GHR: variants seen among roughly 807,000 people sequenced by gnomAD.
GHR encodes the protein GH receptor.
GHR carries 35 observed loss-of-function variants against 67.1 expected under a neutral mutation model. The ratio of observed to expected loss-of-function variants is 0.52; its 90% CI spans 0.40 to 0.69. The LOEUF (loss-of-function observed/expected upper bound fraction) is 0.69. Among genes scored for constraint, GHR ranks in the 30% least tolerant of loss-of-function variants. The pLI is 0.00. For missense variants in GHR, 792 were observed against 764.6 expected (o/e 1.04, Z -0.42); for synonymous variants, 272 against 269.1 (o/e 1.01, Z -0.10).
Position 42,718,860 on chromosome 5 carries a change from A to C in GHR, c.1353A>C (p.Ala451=). 1.2e-6 allele frequency: 2 copies of C among 1,614,178 alleles called. No individual in the cohort carries two copies. Among genetic ancestry groups the C allele is most frequent in the Non-Finnish European group, 1.7e-6 (2 of 1,180,016 alleles). Reference sequence around the variant, plus strand: ...CTCAGCAGCCCAGTGTTATCCAAGCAGAGAAAAACAAACCACAACCACTTC... The same window carrying C: ...CTCAGCAGCCCAGTGTTATCCAAGCCGAGAAAAACAAACCACAACCACTTC... ...PATQQPSVIQ[A]EKNKPQPLPT... The change falls in exon 10 of 10, where the codon GCA becomes GCC. Residue 451 remains alanine, a synonymous_variant. Transcript: ENST00000230882.
chr5:42,609,271 A>G lies in GHR; in HGVS notation c.71-19767A>G, dbSNP rs1752773636. Among the ~76,000 whole-genome samples, 5 of 152,278 alleles carry G rather than the reference A, an allele frequency of 3.3e-5. No homozygotes were observed. In the South Asian group the frequency reaches 1.0e-3, roughly 32 times the overall value. On this transcript the variant is annotated intron_variant, in intron 2 of 9. Transcript: ENST00000230882. ...CAGTCTTTTCAGGAAAGAGAGAGGC[A>G]TGGAGGGGACAGGTGCCAATGGCTG...
chr5:42,550,372 A>T (rs757214828), intron 1 of GHR, among the ~76,000 whole-genome samples: 2 of 152,058 alleles, frequency 1.3e-5, no homozygotes, highest in African/African-American at 2.4e-5. Context: ...TGTCATTGTG[A>T]TCCTGCCTCC....
At chr5:42,542,910 T>C (rs1170415371) in intron 1 of GHR, among the ~76,000 whole-genome samples, 1 of 152,172 alleles carries the variant, frequency 6.6e-6, no homozygotes, top group East Asian at 1.9e-4. Flanking sequence ...CCTGAGTTAC[T>C]TCTTTTAGAA....
chr5:42,595,767 G>T (rs966767840), intron 2 of GHR, among the ~76,000 whole-genome samples: 1 of 152,224 alleles, frequency 6.6e-6, no homozygotes, highest in Non-Finnish European at 1.5e-5. Flanking sequence ...AAGGAAGTGG[G>T]TTGCTGGAGA....
At position 42,563,543 on chromosome 5, in the gene GHR, G is replaced by A. The variant is rs546813043; in HGVS notation, c.-11-2321G>A. ...TGAGGCAGGAGAATGGCGTGAACCCGGGAAGCGGAGCTTGCAGTGAGCCGA... is the reference window on the plus strand; with the variant it reads ...TGAGGCAGGAGAATGGCGTGAACCCAGGAAGCGGAGCTTGCAGTGAGCCGA... On this transcript the variant is annotated intron_variant, in intron 1 of 9. Transcript: ENST00000230882. Among the ~76,000 whole-genome samples the A allele has an allele frequency of 2.0e-5, 3 of 149,020 alleles. No homozygotes were observed. In the East Asian group the frequency reaches 5.8e-4, roughly 29 times the overall value.
intron 1 of GHR, chr5:42,467,709 A>T: frequency 6.4e-7 from 1 of 1,573,370 alleles, no homozygotes; most frequent in East Asian, 2.2e-5. Context: ...TCCCACACTC[A>T]TGACATTCAA....
intron 6 of GHR, among the ~76,000 whole-genome samples, chr5:42,710,670 A>G (rs1758410299): frequency 6.6e-6 from 1 of 152,254 alleles, no homozygotes; most frequent in South Asian, 2.1e-4. Flanking sequence ...TCCTTTTAAT[A>G]AAAGTATTTG....
At chr5:42,530,005 T>TA (rs1747892012) in intron 1 of GHR, among the ~76,000 whole-genome samples, 1 of 141,036 alleles carries the variant, frequency 7.1e-6, no homozygotes, top group Non-Finnish European at 1.5e-5. Flanking sequence ...ACTTCTTTTT[T>TA]TTTTTTTTTT....
At chr5:42,691,562 T>C (rs779774990) in intron 4 of GHR, among the ~76,000 whole-genome samples, 4 of 152,246 alleles carry the variant, frequency 2.6e-5, no homozygotes, top group Non-Finnish European at 4.4e-5. Context: ...AGAAACATGC[T>C]TCTCATCCCT....
At chr5:42,629,394 C>G (rs1292845958) in intron 3 of GHR, among the ~76,000 whole-genome samples, 1 of 131,322 alleles carries the variant, frequency 7.6e-6, no homozygotes, top group Admixed American at 7.3e-5. Context: ...TAGCACCCTC[C>G]TCTTTGTGCT....
At chr5:42,672,100 T>C (rs1304377592) in intron 3 of GHR, among the ~76,000 whole-genome samples, 1 of 152,126 alleles carries the variant, frequency 6.6e-6, no homozygotes, top group African/African-American at 2.4e-5. Context: ...GGATGCCTTT[T>C]CTCACCTGTT....
intron 6 of GHR, among the ~76,000 whole-genome samples, chr5:42,700,728 C>T (rs1757892471): frequency 6.6e-6 from 1 of 152,156 alleles, no homozygotes; most frequent in Admixed American, 6.5e-5. Flanking sequence ...TTTCTGGCCA[C>T]TCATCAGGTG....
chr5:42,692,048 C>A (rs920086890), intron 4 of GHR, among the ~76,000 whole-genome samples: 12 of 152,156 alleles, frequency 7.9e-5, no homozygotes, highest in Non-Finnish European at 1.8e-4. Flanking sequence ...CATTCAACCC[C>A]ACTTCAAAAA....
chr5:42,501,165 T>C (rs1365785739), intron 1 of GHR, among the ~76,000 whole-genome samples: 3 of 152,164 alleles, frequency 2.0e-5, no homozygotes, highest in Admixed American at 6.5e-5. Context: ...CTGACCATAA[T>C]GAAATCTGTG....
intron 3 of GHR, chr5:42,659,099 T>C (rs1203396443): frequency 6.6e-6 from 1 of 152,118 alleles, no homozygotes; most frequent in East Asian, 1.9e-4. Context: ...GTAATAATGG[T>C]GGTGGTTGTT....
intron 1 of GHR, among the ~76,000 whole-genome samples, chr5:42,510,833 G>A (rs539720036): frequency 1.3e-5 from 2 of 152,182 alleles, no homozygotes; most frequent in Non-Finnish European, 2.9e-5. Context: ...GTGGGAGAGG[G>A]CGTATTTCTT....
chr5:42,474,289 G>GAAAGAAAGAAAGAAAGAAAGAAAGAA (rs1422142604), intron 1 of GHR, among the ~76,000 whole-genome samples: 10 of 24,056 alleles, frequency 4.2e-4, no homozygotes, highest in Admixed American at 3.5e-3. Context: ...GAAAGAAAAA[G>GAAAGAAAGAAAGAAAGAAAGAAAGAA]AGAAAGAGAA....
intron 6 of GHR, among the ~76,000 whole-genome samples, chr5:42,708,810 A>G (rs1462358493): frequency 6.6e-6 from 1 of 152,182 alleles, no homozygotes; most frequent in Non-Finnish European, 1.5e-5. Context: ...GTTCAGGGCT[A>G]TATCCCAACA....
At chr5:42,474,792 A>G (rs1315843774) in intron 1 of GHR, among the ~76,000 whole-genome samples, 1 of 150,676 alleles carries the variant, frequency 6.6e-6, no homozygotes, top group Admixed American at 6.6e-5. Context: ...TTAGGAACAT[A>G]TATTTGTTTA....
Sources: allele counts gnomAD v4.1 joint callset (sites outside exome capture counted in the v4.1 genomes callset), GRCh38; gene constraint gnomAD v4.1.1; transcripts MANE v1.5; gene names NCBI Gene and HGNC (gene_info 2026-07-23, HGNC 2026-07-21).